SLC4A3: variants seen among roughly 807,000 people sequenced by gnomAD.
The protein encoded by SLC4A3 is solute carrier family 4 member 3, also known as anion exchange protein 3.
A neutral mutation model predicts 114.2 loss-of-function variants in SLC4A3; 47 were observed. The ratio of observed to expected loss-of-function variants is 0.41; its 90% CI spans 0.33 to 0.52. The LOEUF is 0.52. Ranked by LOEUF, SLC4A3 falls within the 20% of genes least tolerant of loss-of-function variation. The pLI is 0.21. For missense variants in SLC4A3, 1,312 were observed against 1,668.3 expected, an observed-to-expected ratio of 0.79 and a Z score of 3.72; for synonymous variants, 693 against 710.3, an observed-to-expected ratio of 0.98 and a Z score of 0.39.
In SLC4A3 at chr2:219,638,783, TC is replaced by T; in HGVS notation, c.2939del (p.Pro980LeufsTer6). On this transcript the variant is annotated frameshift_variant, in exon 19 of 23. Transcript: ENST00000358055. LOFTEE classifies it high-confidence loss of function. The surrounding 1 kb of genome is among the most constrained non-coding windows in gnomAD (Gnocchi z 7.5). Reference sequence around the variant, plus strand: ...TCATCCCACCCCTGGGCAGTGCCCGTCCTTTCCCGCCGTGGATGATGGTGGC... The same window carrying T: ...TCATCCCACCCCTGGGCAGTGCCCGTCTTTCCCGCCGTGGATGATGGTGGC... The part of the protein sequence containing the change: ...WFIPPLGSAR[P>X]FPPWMMVAAA... 1 of 1,614,130 alleles carries T rather than the reference TC, an allele frequency of 6.2e-7. No homozygotes were observed. The highest frequency in any genetic ancestry group is 8.5e-7 in the Non-Finnish European group (1 of 1,180,022).
In SLC4A3 at chr2:219,632,273, G is replaced by T; in HGVS notation, c.972G>T (p.Glu324Asp). 1 of 1,614,002 alleles carries T rather than the reference G, an allele frequency of 6.2e-7. No individual in the cohort carries two copies. Among genetic ancestry groups the T allele is most frequent in the Non-Finnish European group, 8.5e-7 (1 of 1,180,012 alleles). ...GGCACGCCCCCCAGGTGTTCGTGGAGCTGAACGAGCTGATGCTGGACCGCA... is the reference window on the plus strand; with the variant it reads ...GGCACGCCCCCCAGGTGTTCGTGGATCTGAACGAGCTGATGCTGGACCGCA... ...LDRRPHEVFV[E>D]LNELMLDRSQ... Residue 324 changes from glutamate to aspartate, a missense_variant, in exon 8 of 23, where the codon GAG (glutamate) becomes GAT (aspartate). By Grantham distance (45) the Glu-to-Asp change is conservative. Transcript: ENST00000358055.
chr2:219,628,308 G>C lies in SLC4A3; in HGVS notation c.52-97G>C, dbSNP rs1312149155. On this transcript the variant is annotated intron_variant, in intron 2 of 22. Transcript: ENST00000358055. This position sits in a 1 kb window ranked among gnomAD's most constrained non-coding sequence, Gnocchi z 4.8. ...AAGGGGAGGGGGCCCGATGGTGTGA[G>C]AGCCTGCTGAGCTCCCCCAACTAGG... The C allele has an allele frequency of 9.2e-6, 12 of 1,308,596 alleles. No homozygotes were observed. The Admixed American group carries it at 1.1e-4, about 12-fold the overall frequency. 81.1% of individuals were successfully genotyped at this position (1,308,596 alleles called of 1,614,324 possible). A position where few individuals can be genotyped will look rare whatever the true frequency, so the allele number is the denominator to read the frequency against.
chr2:219,628,326 C>T lies in SLC4A3; in HGVS notation c.52-79C>T. ...GGTGTGAGAGCCTGCTGAGCTCCCC[C>T]AACTAGGGCTTGGAGTTGGGGTGGG... On this transcript the variant is annotated intron_variant, in intron 2 of 22. Transcript: ENST00000358055. This position sits in a 1 kb window ranked among gnomAD's most constrained non-coding sequence, Gnocchi z 4.8. 7.0e-7 allele frequency: 1 copy of T among 1,428,256 alleles called. No homozygotes were observed. The highest frequency in any genetic ancestry group is 1.4e-5 in the South Asian group (1 of 70,480). The allele number at this position is 1,428,256 out of a possible 1,614,324, so 88.5% of individuals were successfully genotyped here.
At position 219,632,031 on chromosome 2, in the gene SLC4A3, A is replaced by G; in HGVS notation, c.875A>G (p.Gln292Arg). Residue 292 changes from glutamine (Q) to arginine (R), a missense_variant, in exon 7 of 23, where the codon CAG becomes CGG. Coordinates refer to ENST00000358055, the MANE Select transcript of SLC4A3 (RefSeq NM_005070.4). ...TTAGTGAAAAAGCCCTCCCGGACGC[A>G]GGGCGGGAGGGGCAGTCCCAGCGGC... Reference protein sequence around the residue: ...RHLVKKPSRTQGGRGSPSGLA... With the variant: ...RHLVKKPSRTRGGRGSPSGLA... The G allele has an allele frequency of 6.2e-7, 1 of 1,613,396 alleles. No individual in the cohort carries two copies. The highest frequency in any genetic ancestry group is 1.1e-5 in the South Asian group (1 of 91,052).
Position 219,640,818 on chromosome 2 carries a change from C to T in SLC4A3, c.3477C>T (p.Thr1159=), listed in dbSNP as rs1478215345. ...AGACGTGGCGGATGCATCTGTTCAC[C>T]TGCATCCAGCTGGGCTGCATCGCAC... ...KVKTWRMHLF[T]CIQLGCIALL... is the part of the protein sequence containing the mutation. The change falls in exon 22 of 23, where the codon ACC becomes ACT. Residue 1159 remains threonine, a synonymous_variant. Coordinates refer to ENST00000358055, the MANE Select transcript of SLC4A3 (RefSeq NM_005070.4). 1 of 1,612,346 alleles carries T rather than the reference C, an allele frequency of 6.2e-7. No individual in the cohort carries two copies. Among genetic ancestry groups the T allele is most frequent in the African/African-American group, 1.3e-5 (1 of 75,022 alleles).
chr2:219,632,489 T>G, intron 8 of SLC4A3, 47 bp downstream of exon 8: 1 of 1,522,434 alleles, frequency 6.6e-7, no homozygotes, highest in Non-Finnish European at 8.8e-7. Context: ...CTCTTCAGTC[T>G]GTGCCAGGCT....
Position 219,641,601 on chromosome 2 carries a change from G to A in SLC4A3, c.3622-50G>A. 6.9e-7 allele frequency: 1 copy of A among 1,442,574 alleles called. No individual in the cohort carries two copies. Among genetic ancestry groups the A allele is most frequent in the Non-Finnish European group, 9.8e-7 (1 of 1,024,866 alleles). 89.4% of individuals were successfully genotyped at this position (1,442,574 alleles called of 1,614,324 possible). A position where few individuals can be genotyped will look rare whatever the true frequency, so the allele number is the denominator to read the frequency against. ...TTGGAGGAGGAGCTGGAGAATGGGA[G>A]GGGACGAGCATGCTTCCCTGCCTTC... On this transcript the variant is annotated intron_variant, in intron 22 of 22. Transcript: ENST00000358055. This position sits in a 1 kb window ranked among gnomAD's most constrained non-coding sequence, Gnocchi z 4.0.
At chr2:219,640,226 C>G (rs1699274854) in intron 20 of SLC4A3, among the ~76,000 whole-genome samples, 1 of 46,858 alleles carries the variant, frequency 2.1e-5, no homozygotes. Context: ...AATGTGTCTG[C>G]CCCCCCCCCC....
Position 219,638,586 on chromosome 2 carries a change from C to G in SLC4A3, c.2857-117C>G, listed in dbSNP as rs1699210623. On this transcript the variant is annotated intron_variant, in intron 18 of 22. Transcript: ENST00000358055. This position sits in a 1 kb window ranked among gnomAD's most constrained non-coding sequence, Gnocchi z 7.5. ...GATGCAAAACTAATTTTCCCCTGAC[C>G]TGTTCACACCCCAGCTCCCTGAAGT... 2.5e-5 allele frequency: 26 copies of G among 1,022,118 alleles called. No homozygotes were observed. Among genetic ancestry groups the G allele is most frequent in the Non-Finnish European group, 3.4e-5 (24 of 696,250 alleles). The allele number at this position is 1,022,118 out of a possible 1,614,324, so 63.3% of individuals were successfully genotyped here.
In SLC4A3 at chr2:219,632,377, G is replaced by A; in HGVS notation, c.1076G>A (p.Gly359Glu). 6.2e-7 allele frequency: 1 copy of A among 1,613,794 alleles called. No homozygotes were observed. The highest frequency in any genetic ancestry group is 8.5e-7 in the Non-Finnish European group (1 of 1,179,842). Residue 359 changes from glycine (G) to glutamate (E), a missense_variant, in exon 8 of 23, where the codon GGG (glycine) becomes GAG (glutamate). Coordinates refer to ENST00000358055, the MANE Select transcript of SLC4A3 (RefSeq NM_005070.4). ...EDVEEETERW[G>E]KPHVASLSFR... ...GTGGAGGAGGAGACGGAGCGCTGGG[G>A]GAAGCCCCATGTTGCCTCGCTCTCC...
chr2:219,628,606 C>T lies in SLC4A3; in HGVS notation c.217+36C>T, dbSNP rs376364107. The T allele has an allele frequency of 6.2e-6, 10 of 1,603,244 alleles. No homozygotes were observed. Among genetic ancestry groups the T allele is most frequent in the East Asian group, 2.2e-5 (1 of 44,778 alleles). ...TGGGGACCCCTAGTGCGGCCGCCCT[C>T]GCCACCATCACCTTCATCGCCACCA... On this transcript the variant is annotated intron_variant, in intron 3 of 22. Transcript: ENST00000358055. This position sits in a 1 kb window ranked among gnomAD's most constrained non-coding sequence, Gnocchi z 4.8.
rs1699081959 is a variant in SLC4A3 at position 219,635,438 on chromosome 2, G to A, written c.1914G>A (p.Glu638=). The A allele has an allele frequency of 1.2e-6, 2 of 1,614,108 alleles. No homozygotes were observed. The highest frequency in any genetic ancestry group is 1.7e-6 in the Non-Finnish European group (2 of 1,179,990). Residue 638 remains glutamate (E), a synonymous_variant, in exon 13 of 23, where the codon GAG becomes GAA. Coordinates refer to ENST00000358055, the MANE Select transcript of SLC4A3 (RefSeq NM_005070.4). ...GAGAGCTGCTTAGGAAGCGGCGAGA[G>A]CGTGAACAGACCAAAGTCGAGATGA... ...FQRELLRKRR[E]REQTKVEMTT... is the part of the protein sequence containing the mutation.
intron 11 of SLC4A3, 87 bp from the exon 12 acceptor site, chr2:219,634,333 T>C (rs1285700425): frequency 2.2e-6 from 3 of 1,339,344 alleles, no homozygotes; most frequent in African/African-American, 2.9e-5. Flanking sequence ...CCTGCTCAAC[T>C]GTCCATGATA....
Position 219,631,641 on chromosome 2 carries a change from C to T in SLC4A3, c.812-327C>T, listed in dbSNP as rs560718262. On this transcript the variant is annotated intron_variant, in intron 6 of 22. Coordinates refer to ENST00000358055, the MANE Select transcript of SLC4A3 (RefSeq NM_005070.4). This position sits in a 1 kb window ranked among gnomAD's most constrained non-coding sequence, Gnocchi z 6.3. ...GTGCCTGGGGACTCTGACTCAGTGC[C>T]TGTCATGGGACCCAGATGGAGAAGG... is the stretch of plus-strand genomic sequence containing the variant. Among the ~76,000 whole-genome samples the T allele has an allele frequency of 3.3e-5, 5 of 152,204 alleles. No individual in the cohort carries two copies. The highest frequency in any genetic ancestry group is 9.6e-5 in the African/African-American group (4 of 41,522).
In SLC4A3 at chr2:219,641,044, G is replaced by A. The variant is rs186347828; in HGVS notation, c.3621+82G>A. On this transcript the variant is annotated intron_variant, in intron 22 of 22. Coordinates refer to ENST00000358055, the MANE Select transcript of SLC4A3 (RefSeq NM_005070.4). This position sits in a 1 kb window ranked among gnomAD's most constrained non-coding sequence, Gnocchi z 4.0. ...ATCTCTGTTTGGCCACCCACTAGTT[G>A]TGTTAGTTGTGAAACTTGTGTAACT... The A allele has an allele frequency of 1.4e-4, 192 of 1,328,208 alleles. 1 individual carries two copies. Among genetic ancestry groups the A allele is most frequent in the Admixed American group, 4.1e-4 (19 of 46,644 alleles). The allele number at this position is 1,328,208 out of a possible 1,614,324, so 82.3% of individuals were successfully genotyped here.
In SLC4A3 at chr2:219,629,595, G is replaced by C. The variant is rs1388135940; in HGVS notation, c.511G>C (p.Asp171His). ...PQKAKFSIGSDEDDSPGLPGR... is the reference protein window; with the variant it reads ...PQKAKFSIGSHEDDSPGLPGR... ...ATGTCTGCAGTTCTCCATTGGAAGT[G>C]ACGAGGATGACAGTCCAGGCCTCCC... is the stretch of plus-strand genomic sequence containing the variant. Residue 171 changes from aspartate (D) to histidine (H), a missense_variant, in exon 5 of 23, where the codon GAC becomes CAC. By Grantham distance (81) the Asp-to-His change is moderately conservative (BLOSUM62 -1). Around this residue, in one of 4 missense-constraint regions of SLC4A3, gnomAD observed 771 missense variants for 977.7 expected, o/e 0.79. Transcript: ENST00000358055. The C allele has an allele frequency of 7.4e-6, 12 of 1,612,932 alleles. No individual in the cohort carries two copies. The highest frequency in any genetic ancestry group is 1.0e-5 in the Non-Finnish European group (12 of 1,179,442).
Position 219,635,881 on chromosome 2 carries a change from G to C in SLC4A3, c.2181G>C (p.Gly727=). The change falls in exon 14 of 23, where the codon GGG becomes GGC. Residue 727 remains glycine, a synonymous_variant. Transcript: ENST00000358055. ...FAALSPAITF[G]GLLGEKTEGL... is the part of the protein sequence containing the mutation. ...CCCTCAGCCCTGCCATCACCTTCGG[G>C]GGGCTGCTGGGTAAGGGACTGGGGC... The C allele has an allele frequency of 6.6e-7, 1 of 1,516,542 alleles. No homozygotes were observed. 93.9% of individuals were successfully genotyped at this position (1,516,542 alleles called of 1,614,324 possible).
Position 219,641,505 on chromosome 2 carries a change from G to A in SLC4A3, c.3622-146G>A. ...GACCTGAAGGCTTTGGCCAAGGGCA[G>A]TGCTGCCACCCAGGGTCATGGTACT... On this transcript the variant is annotated intron_variant, in intron 22 of 22. Coordinates refer to ENST00000358055, the MANE Select transcript of SLC4A3 (RefSeq NM_005070.4). This position sits in a 1 kb window ranked among gnomAD's most constrained non-coding sequence, Gnocchi z 4.0. 1 of 672,504 alleles carries A rather than the reference G, an allele frequency of 1.5e-6. No homozygotes were observed. Among genetic ancestry groups the A allele is most frequent in the Non-Finnish European group, 2.7e-6 (1 of 373,246 alleles). The allele number at this position is 672,504 out of a possible 1,614,324, so 41.7% of individuals were successfully genotyped here. A position where few individuals can be genotyped will look rare whatever the true frequency, so the allele number is the denominator to read the frequency against.
rs1698863037 is a variant in SLC4A3, at chr2:219,630,009, C to T, written c.612-144C>T. 18 of 1,483,496 alleles carry T rather than the reference C, an allele frequency of 1.2e-5. No homozygotes were observed. The highest frequency in any genetic ancestry group is 1.6e-5 in the Non-Finnish European group (18 of 1,107,340). The allele number at this position is 1,483,496 out of a possible 1,614,324, so 91.9% of individuals were successfully genotyped here. On this transcript the variant is annotated intron_variant, in intron 5 of 22. Transcript: ENST00000358055. This position sits in a 1 kb window ranked among gnomAD's most constrained non-coding sequence, Gnocchi z 6.9. ...GGGGAGCCACGGGATGGGGAGGGGG[C>T]CTGGGTCAGCATCCTTTGCTGCCCA...
Sources: gnomAD v4.1 joint callset for allele counts (sites outside exome capture counted in the v4.1 genomes callset) on GRCh38, gnomAD v4.1.1 for gene constraint, gnomAD v4.1.1 regional missense constraint, Gnocchi (gnomAD v3.1) non-coding constraint, MANE v1.5 for transcripts, NCBI Gene and HGNC (gene_info 2026-07-23, HGNC 2026-07-21) for gene names.